Variants in DDX10 observed in about 807,000 individuals in gnomAD.
DDX10 encodes the protein probable ATP-dependent RNA helicase DDX10.
In DDX10, 74 loss-of-function variants were observed where a neutral mutation model predicts 104.3. The observed-to-expected ratio is 0.71, with a 90% confidence interval of 0.59 to 0.86. The LOEUF is 0.86. DDX10 is among the 40% of genes least tolerant of loss of function. The probability of loss-of-function intolerance (pLI) is 0.00; values close to 1 mark genes in which losing one functional copy is unlikely to be tolerated. For synonymous variants in DDX10, 351 were observed against 353.4 expected (o/e 0.99, Z 0.08); for missense variants, 952 against 1,040.0 (o/e 0.92, Z 1.16).
chr11:108,774,783 T>A (rs997968640), intron 13 of DDX10, among the ~76,000 whole-genome samples: 3 of 152,208 alleles, frequency 2.0e-5, no homozygotes, highest in Admixed American at 6.5e-5. Flanking sequence ...TGCTGTTTCA[T>A]ACCGTTCTCC....
Position 108,665,106 on chromosome 11 carries a change from G to T in DDX10, c.-48G>T, listed in dbSNP as rs755394139. On this transcript the variant is annotated 5_prime_UTR_variant, in exon 1 of 18. The change creates a new upstream start codon in the 5' untranslated region. Coordinates refer to ENST00000322536, the MANE Select transcript of DDX10 (RefSeq NM_004398.4). ...TGCTGGTTCCGTGAGTCTGGCCTTA[G>T]GTGTCTCGTGTCTGGGGTTGATCCG... 1 of 1,555,744 alleles carries T rather than the reference G, an allele frequency of 6.4e-7. No homozygotes were observed. Among genetic ancestry groups the T allele is most frequent in the East Asian group, 2.3e-5 (1 of 43,076 alleles).
chr11:108,812,764 G>A lies in DDX10; in HGVS notation c.1966-25682G>A, dbSNP rs547660394. Among the ~76,000 whole-genome samples, 4 of 151,946 alleles carry A rather than the reference G, an allele frequency of 2.6e-5. No individual in the cohort carries two copies. In the South Asian group the frequency reaches 8.3e-4, roughly 32 times the overall value. Reference sequence around the variant, plus strand: ...TGGGAGGCTGAGGTGGGTGGATCACGTGAAGTCCAGAGTTTGAGACCAGCC... The same window carrying A: ...TGGGAGGCTGAGGTGGGTGGATCACATGAAGTCCAGAGTTTGAGACCAGCC... On this transcript the variant is annotated intron_variant, in intron 13 of 17. Transcript: ENST00000322536.
intron 2 of DDX10, among the ~76,000 whole-genome samples, chr11:108,674,872 T>A (rs1301762904): frequency 6.6e-6 from 1 of 152,166 alleles, no homozygotes; most frequent in Non-Finnish European, 1.5e-5. Context: ...TTGATGAACA[T>A]CTTCCCACTC....
intron 13 of DDX10, among the ~76,000 whole-genome samples, chr11:108,831,379 GGCGCCACTGCACCCCA>G (rs1862468498): frequency 6.8e-6 from 1 of 147,082 alleles, no homozygotes; most frequent in Non-Finnish European, 1.5e-5. Flanking sequence ...ACTCTTCCCT[GGCGCCACTGCACCCCA>G]GCCTGGTGAC....
At chr11:108,819,819 G>A (rs761671097) in intron 13 of DDX10, among the ~76,000 whole-genome samples, 5 of 151,978 alleles carry the variant, frequency 3.3e-5, no homozygotes, top group East Asian at 1.9e-4. Flanking sequence ...GGCTGGTCTC[G>A]AACTCCTGAC....
intron 13 of DDX10, among the ~76,000 whole-genome samples, chr11:108,804,555 A>G (rs1862071349): frequency 6.6e-6 from 1 of 151,374 alleles, no homozygotes; most frequent in Non-Finnish European, 1.5e-5. Context: ...TTTCAACTGA[A>G]AACACGTGTT....
At chr11:108,902,046 A>G (rs932363563) in intron 16 of DDX10, among the ~76,000 whole-genome samples, 1 of 152,154 alleles carries the variant, frequency 6.6e-6, no homozygotes, top group African/African-American at 2.4e-5. Flanking sequence ...CAGACATAAA[A>G]TCAGATTTTC....
intron 9 of DDX10, among the ~76,000 whole-genome samples, chr11:108,701,481 C>T (rs907823862): frequency 6.6e-6 from 1 of 152,016 alleles, no homozygotes; most frequent in African/African-American, 2.4e-5. Context: ...ACTAGCATAT[C>T]AGTAGTCAGA....
At chr11:108,776,482 C>T (rs1273059513) in intron 13 of DDX10, among the ~76,000 whole-genome samples, 4 of 152,018 alleles carry the variant, frequency 2.6e-5, no homozygotes, top group Non-Finnish European at 4.4e-5. Context: ...GCAGTCCAAG[C>T]CAAGTAGAAT....
intron 13 of DDX10, among the ~76,000 whole-genome samples, chr11:108,817,970 A>T (rs2615755): frequency 0.12 from 18,602 of 152,226 alleles, 1,543 homozygotes; most frequent in East Asian, 0.27. Context: ...TCTTATTTCA[A>T]CAACTGTCCT....
chr11:108,841,655 A>G (rs550161280), intron 15 of DDX10, among the ~76,000 whole-genome samples, 179 bp downstream of exon 15: 1 of 152,128 alleles, frequency 6.6e-6, no homozygotes, highest in African/African-American at 2.4e-5. Flanking sequence ...GAGTCTGTAT[A>G]TTGACTCGTT....
intron 13 of DDX10, among the ~76,000 whole-genome samples, chr11:108,758,850 C>G (rs1334541067): frequency 6.6e-6 from 1 of 152,046 alleles, no homozygotes; most frequent in Non-Finnish European, 1.5e-5. Flanking sequence ...TGCCATGTAA[C>G]TATATTCACA....
chr11:108,787,128 TTGGC>T (rs1861805163), intron 13 of DDX10, among the ~76,000 whole-genome samples: 1 of 152,232 alleles, frequency 6.6e-6, no homozygotes, highest in African/African-American at 2.4e-5. Flanking sequence ...TATGAGGTTC[TTGGC>T]TGTAATTTAT....
At chr11:108,897,918 T>C (rs1863462067) in intron 16 of DDX10, among the ~76,000 whole-genome samples, 1 of 152,120 alleles carries the variant, frequency 6.6e-6, no homozygotes, top group South Asian at 2.1e-4. Context: ...AATAAGCCTC[T>C]TCATGGAAAG....
At chr11:108,827,560 A>G (rs887285691) in intron 13 of DDX10, among the ~76,000 whole-genome samples, 4 of 152,198 alleles carry the variant, frequency 2.6e-5, no homozygotes, top group African/African-American at 9.6e-5. Context: ...GATATTTTTT[A>G]GAAGAAAAAT....
chr11:108,792,709 CAA>C (rs1202255595), intron 13 of DDX10, among the ~76,000 whole-genome samples: 1 of 151,744 alleles, frequency 6.6e-6, no homozygotes, highest in African/African-American at 2.4e-5. Flanking sequence ...GTCTTTTTTT[CAA>C]AGTTTTTCTG....
At chr11:108,689,973 T>G (rs1488991840) in intron 7 of DDX10, among the ~76,000 whole-genome samples, 1 of 152,092 alleles carries the variant, frequency 6.6e-6, no homozygotes, top group Admixed American at 6.6e-5. Context: ...CCCAGCACTT[T>G]AAGAGGCTGA....
intron 13 of DDX10, among the ~76,000 whole-genome samples, chr11:108,743,050 A>C (rs2094327172): frequency 6.6e-6 from 1 of 152,188 alleles, no homozygotes; most frequent in Non-Finnish European, 1.5e-5. Flanking sequence ...TATCATCCTG[A>C]TACCAAAAGC....
chr11:108,932,158 A>AG lies in DDX10; in HGVS notation c.2451-8083dup, dbSNP rs777425096. Among the ~76,000 whole-genome samples the AG allele has an allele frequency of 1.9e-3, 290 of 152,088 alleles. 1 individual carries two copies. The highest frequency in any genetic ancestry group is 3.8e-3 in the Non-Finnish European group (259 of 68,028). On this transcript the variant is annotated intron_variant, in intron 17 of 17. Coordinates refer to ENST00000322536, the MANE Select transcript of DDX10 (RefSeq NM_004398.4). ...AGCAACCGTAGACAATACATAAACAAGGGGGTGAGGCTGAATCATCATTAA... is the reference window on the plus strand; with the variant it reads ...AGCAACCGTAGACAATACATAAACAAGGGGGGTGAGGCTGAATCATCATTAA...
Sources: gnomAD v4.1 joint callset for allele counts (sites outside exome capture counted in the v4.1 genomes callset) on GRCh38, gnomAD v4.1.1 for gene constraint, MANE v1.5 for transcripts, NCBI Gene and HGNC (gene_info 2026-07-23, HGNC 2026-07-21) for gene names.